The following TENM2 variants were observed in gnomAD, a reference collection of about 807,000 sequenced individuals.
TENM2 encodes teneurin-2.
In TENM2, 52 loss-of-function variants were observed where a neutral mutation model predicts 245.2. That is an observed-to-expected ratio of 0.21 (90% CI 0.17 to 0.27). The LOEUF is 0.27. Among genes scored for constraint, TENM2 ranks in the 10% least tolerant of loss-of-function variants. The pLI is 1.00. For synonymous variants in TENM2, 1,363 were observed against 1,438.9 expected (o/e 0.95, Z 1.19); for missense variants, 3,046 against 3,666.8 (o/e 0.83, Z 4.37).
chr5:167,100,441 C>G, the TENM2 span, among the ~76,000 whole-genome samples: 1 of 152,154 alleles, frequency 6.6e-6, no homozygotes, highest in Non-Finnish European at 1.5e-5. Flanking sequence ...GTGACTGCCT[C>G]TGAAGTCACC....
chr5:168,233,960 C>T (rs1160498115), intron 25 of TENM2, among the ~76,000 whole-genome samples: 1 of 152,142 alleles, frequency 6.6e-6, no homozygotes, highest in Non-Finnish European at 1.5e-5. Flanking sequence ...CCCCCTGGGT[C>T]CCTCCCAACA....
chr5:167,632,160 A>T (rs1347377210), intron 2 of TENM2, among the ~76,000 whole-genome samples: 1 of 152,052 alleles, frequency 6.6e-6, no homozygotes, highest in Non-Finnish European at 1.5e-5. Context: ...CCTCTCAGCG[A>T]CCCAGTAGGG....
At chr5:166,994,917 G>GAAA in the TENM2 span, among the ~76,000 whole-genome samples, 1 of 152,192 alleles carries the variant, frequency 6.6e-6, no homozygotes, top group Non-Finnish European at 1.5e-5. Context: ...ACTCCCTGGA[G>GAAA]AACTTTGGGT....
chr5:167,342,507 CTTTTTTTTTTTTTTTTTTT>C lies in TENM2; in HGVS notation c.227-32678_227-32660del, dbSNP rs35451881. Reference sequence around the variant, plus strand: ...CAGGTTTCTCAACTGTAAAGTTATTCTTTTTTTTTTTTTTTTTTTTTTTTTTTTTTTGAGACGGAGTCTC... The same window carrying C: ...CAGGTTTCTCAACTGTAAAGTTATTCTTTTTTTTTTTTGAGACGGAGTCTC... On this transcript the variant is annotated intron_variant, in intron 1 of 28. Transcript: ENST00000518659. 0.017 allele frequency among the ~76,000 whole-genome samples: 939 copies of C among 54,378 alleles called. 71 individuals carry two copies. In the Admixed American group the frequency reaches 0.19, roughly 11 times the overall value. 35.7% of individuals were successfully genotyped at this position (54,378 alleles called of 152,430 possible).
intron 7 of TENM2, among the ~76,000 whole-genome samples, chr5:168,078,490 G>A (rs1237673518): frequency 2.0e-5 from 3 of 152,004 alleles, no homozygotes; most frequent in Non-Finnish European, 2.9e-5. Context: ...TGTTTCAGTC[G>A]TGAAGCCCTT....
intron 4 of TENM2, among the ~76,000 whole-genome samples, chr5:167,975,311 C>A (rs1481827352): frequency 6.6e-6 from 1 of 152,172 alleles, no homozygotes; most frequent in African/African-American, 2.4e-5. Flanking sequence ...AGGAAGCTTT[C>A]AAGGAAGCCC....
At chr5:167,940,010 G>A (rs1050753546) in intron 3 of TENM2, among the ~76,000 whole-genome samples, 9 of 152,108 alleles carry the variant, frequency 5.9e-5, no homozygotes, top group Non-Finnish European at 1.0e-4. Context: ...GTTCCATGGG[G>A]ATTTCTGCTT....
chr5:167,998,295 A>C, intron 5 of TENM2, among the ~76,000 whole-genome samples: 1 of 152,222 alleles, frequency 6.6e-6, no homozygotes, highest in African/African-American at 2.4e-5. Context: ...GAGGTTTTCC[A>C]ACAGATTGTA....
At chr5:167,232,755 T>A in the TENM2 span, among the ~76,000 whole-genome samples, 1 of 150,878 alleles carries the variant, frequency 6.6e-6, no homozygotes, top group Admixed American at 6.6e-5. Context: ...CAGAAAAAAA[T>A]AATTGCTTAA....
intron 2 of TENM2, among the ~76,000 whole-genome samples, chr5:167,476,052 C>G (rs1767350249): frequency 6.6e-6 from 1 of 152,060 alleles, no homozygotes; most frequent in Non-Finnish European, 1.5e-5. Context: ...TCCCAAATAT[C>G]TTTAATGTCT....
At chr5:167,515,481 G>A (rs1241068760) in intron 2 of TENM2, among the ~76,000 whole-genome samples, 1 of 151,200 alleles carries the variant, frequency 6.6e-6, no homozygotes, top group Non-Finnish European at 1.5e-5. Flanking sequence ...CATTGCCAAT[G>A]GGTTCCAATA....
intron 2 of TENM2, among the ~76,000 whole-genome samples, chr5:167,630,166 C>T (rs1350226460): frequency 6.7e-6 from 1 of 150,182 alleles, no homozygotes; most frequent in African/African-American, 2.5e-5. Context: ...AAGTGGAGCA[C>T]TTTTACTTTT....
At chr5:167,310,623 CAAAAACA>C (rs958917532) in intron 1 of TENM2, among the ~76,000 whole-genome samples, 1 of 151,522 alleles carries the variant, frequency 6.6e-6, no homozygotes, top group East Asian at 1.9e-4. Context: ...CAAAATAAAA[CAAAAACA>C]AAAAACAAAA....
At chr5:168,222,228 C>T (rs1763731180) in intron 23 of TENM2, among the ~76,000 whole-genome samples, 1 of 152,222 alleles carries the variant, frequency 6.6e-6, no homozygotes, top group Non-Finnish European at 1.5e-5. Flanking sequence ...TTGCATTTCT[C>T]CTGCTCTCTT....
chr5:167,644,918 A>G (rs1779834575), intron 2 of TENM2, among the ~76,000 whole-genome samples: 1 of 152,192 alleles, frequency 6.6e-6, no homozygotes, highest in African/African-American at 2.4e-5. Flanking sequence ...GTGTACTTAC[A>G]TGTATCCAGC....
At chr5:167,515,148 TTC>T in intron 2 of TENM2, among the ~76,000 whole-genome samples, 1 of 152,282 alleles carries the variant, frequency 6.6e-6, no homozygotes, top group Admixed American at 6.5e-5. Context: ...TGATACACAG[TTC>T]CTTTTTAATC....
the TENM2 span, among the ~76,000 whole-genome samples, chr5:167,187,782 T>C: frequency 6.6e-6 from 1 of 152,272 alleles, no homozygotes; most frequent in South Asian, 2.1e-4. Context: ...CTGGTTGTTT[T>C]GAATTCACAA....
At chr5:166,983,692 T>C in the TENM2 span, among the ~76,000 whole-genome samples, 1 of 152,078 alleles carries the variant, frequency 6.6e-6, no homozygotes. Flanking sequence ...ATATTCGTGG[T>C]AGATGCTAAA....
chr5:167,633,797 T>G (rs1285081833), intron 2 of TENM2, among the ~76,000 whole-genome samples: 2 of 152,152 alleles, frequency 1.3e-5, no homozygotes, highest in African/African-American at 4.8e-5. Context: ...AATTAATCAA[T>G]AGAAAACTGT....
Sources: allele counts gnomAD v4.1 joint callset (sites outside exome capture counted in the v4.1 genomes callset), GRCh38; gene constraint gnomAD v4.1.1; transcripts MANE v1.5; gene names NCBI Gene and HGNC (gene_info 2026-07-23, HGNC 2026-07-21).